Variants in PRKCA observed in about 807,000 individuals in gnomAD.
The protein encoded by PRKCA is protein kinase C alpha type.
A neutral mutation model predicts 87.0 loss-of-function variants in PRKCA; 27 were observed. The observed-to-expected ratio is 0.31, with a 90% CI of 0.23 to 0.43. PRKCA has a LOEUF of 0.43. Among genes scored for constraint, PRKCA ranks in the 20% least tolerant of loss-of-function variants. The pLI is 1.00. For missense variants in PRKCA, 518 were observed against 852.3 expected (o/e 0.61, Z 4.88); for synonymous variants, 329 against 311.1 (o/e 1.06, Z -0.61).
intron 2 of PRKCA, among the ~76,000 whole-genome samples, chr17:66,442,854 T>G (rs1271542046): frequency 1.3e-5 from 2 of 152,252 alleles, no homozygotes; most frequent in Non-Finnish European, 2.9e-5. Flanking sequence ...TCTTTTGAGA[T>G]AACTTCCAGA....
At chr17:66,780,314 A>G (rs1436553214) in intron 14 of PRKCA, among the ~76,000 whole-genome samples, 3 of 152,244 alleles carry the variant, frequency 2.0e-5, no homozygotes, top group Non-Finnish European at 2.9e-5. Context: ...ACTGGCAGCA[A>G]CAAAGAAAAT....
Position 66,451,899 on chromosome 17 carries a change from C to A in PRKCA, c.206-44302C>A, listed in dbSNP as rs115947608. On this transcript the variant is annotated intron_variant, in intron 2 of 16. Coordinates refer to ENST00000413366, the MANE Select transcript of PRKCA (RefSeq NM_002737.3). The stretch of plus-strand genomic sequence containing the variant: ...GACAAAGGCCAGGGGACAGAAATAT[C>A]TTTCTTTTGCTCCTGGCAAATCCCA... Among the ~76,000 whole-genome samples the A allele has an allele frequency of 1.0e-3, 154 of 152,302 alleles. 2 individuals carry two copies. Among genetic ancestry groups the A allele is most frequent in the African/African-American group, 3.4e-3 (142 of 41,582 alleles).
Position 66,491,008 on chromosome 17 carries a change from A to G in PRKCA, c.206-5193A>G, listed in dbSNP as rs987244152. Among the ~76,000 whole-genome samples, 6 of 152,208 alleles carry G rather than the reference A, an allele frequency of 3.9e-5. No homozygotes were observed. In the East Asian group the frequency reaches 1.2e-3, roughly 29 times the overall value. ...CTTCCATAAGCAAGATTAGCAAGGA[A>G]TATGGATCACAAGATTGGGTGTTCT... On this transcript the variant is annotated intron_variant, in intron 2 of 16. Coordinates refer to ENST00000413366, the MANE Select transcript of PRKCA (RefSeq NM_002737.3).
chr17:66,688,439 A>G lies in PRKCA; in HGVS notation c.821+3A>G. 2.5e-6 allele frequency: 4 copies of G among 1,614,122 alleles called. No individual in the cohort carries two copies. Among genetic ancestry groups the G allele is most frequent in the Non-Finnish European group, 3.4e-6 (4 of 1,180,006 alleles). On this transcript the variant is annotated splice_donor_region_variant and intron_variant, in intron 7 of 16. Coordinates refer to ENST00000413366, the MANE Select transcript of PRKCA (RefSeq NM_002737.3). ...ATGAAGATGCCGGCCAGTGGATGGT[A>G]TGGAAGCCGCTTAGGTTGAGTATGT... is the stretch of plus-strand genomic sequence containing the variant.
intron 2 of PRKCA, among the ~76,000 whole-genome samples, chr17:66,493,720 AG>A (rs1324031245): frequency 6.6e-6 from 1 of 152,156 alleles, no homozygotes; most frequent in African/African-American, 2.4e-5. Flanking sequence ...ATGCATGTGA[AG>A]GGACCCAGTA....
chr17:66,633,925 A>G (rs1263170248), intron 3 of PRKCA, among the ~76,000 whole-genome samples: 1 of 152,218 alleles, frequency 6.6e-6, no homozygotes, highest in Non-Finnish European at 1.5e-5. Flanking sequence ...ACTTACCTAG[A>G]ATATGACTTC....
At chr17:66,440,439 C>G (rs1353445604) in intron 2 of PRKCA, among the ~76,000 whole-genome samples, 1 of 152,236 alleles carries the variant, frequency 6.6e-6, no homozygotes, top group East Asian at 1.9e-4. Flanking sequence ...CCATCTCCTG[C>G]TTTCTATTTC....
intron 3 of PRKCA, 101 bp from the exon 4 acceptor site, chr17:66,641,254 C>T: frequency 1.3e-6 from 1 of 749,354 alleles, no homozygotes; most frequent in African/African-American, 1.7e-5. Context: ...GTTATCGAAC[C>T]TTGACTTGGG....
intron 2 of PRKCA, among the ~76,000 whole-genome samples, chr17:66,444,546 A>G (rs536041150): frequency 8.0e-4 from 122 of 152,204 alleles, no homozygotes; most frequent in African/African-American, 2.8e-3. Context: ...CTCCTTCTTT[A>G]TGACCTTCCA....
intron 2 of PRKCA, among the ~76,000 whole-genome samples, chr17:66,330,028 C>T (rs2143274987): frequency 6.6e-6 from 1 of 152,094 alleles, no homozygotes; most frequent in Middle Eastern, 3.4e-3. Flanking sequence ...TGGTCTTACT[C>T]AACCCATTCC....
chr17:66,418,440 C>CTTTTTTT (rs113526885), intron 2 of PRKCA, among the ~76,000 whole-genome samples: 1 of 142,244 alleles, frequency 7.0e-6, no homozygotes. Context: ...TTGTTTTAGC[C>CTTTTTTT]TTTTTTTTTT....
At chr17:66,687,731 G>A (rs1240559122) in intron 6 of PRKCA, among the ~76,000 whole-genome samples, 1 of 152,148 alleles carries the variant, frequency 6.6e-6, no homozygotes, top group Non-Finnish European at 1.5e-5. Flanking sequence ...AGACTTCCTG[G>A]AAAAGGTGAC....
chr17:66,379,163 A>G (rs1909648081), intron 2 of PRKCA, among the ~76,000 whole-genome samples: 1 of 152,182 alleles, frequency 6.6e-6, no homozygotes, highest in African/African-American at 2.4e-5. Context: ...CCTCTCGGGT[A>G]TATACCTAGG....
At chr17:66,628,505 C>G (rs72845959) in intron 3 of PRKCA, among the ~76,000 whole-genome samples, 8 of 151,998 alleles carry the variant, frequency 5.3e-5, no homozygotes, top group African/African-American at 1.9e-4. Context: ...CTTTTTTTCT[C>G]TCTCATCTTT....
intron 3 of PRKCA, among the ~76,000 whole-genome samples, chr17:66,586,708 G>A (rs750694023): frequency 3.3e-5 from 5 of 152,180 alleles, no homozygotes; most frequent in Non-Finnish European, 7.3e-5. Flanking sequence ...TGCTCCCTAG[G>A]TGGCTCAGTG....
intron 2 of PRKCA, among the ~76,000 whole-genome samples, chr17:66,490,495 C>G (rs1916195889): frequency 6.6e-6 from 1 of 152,056 alleles, no homozygotes; most frequent in Non-Finnish European, 1.5e-5. Flanking sequence ...AGGTGCCCAC[C>G]ACCATGCCCG....
At chr17:66,759,844 A>G (rs949278994) in intron 13 of PRKCA, among the ~76,000 whole-genome samples, 3 of 152,252 alleles carry the variant, frequency 2.0e-5, no homozygotes, top group East Asian at 3.8e-4. Context: ...AGGGCATTAC[A>G]TAATGATAAA....
intron 2 of PRKCA, among the ~76,000 whole-genome samples, chr17:66,316,867 G>A (rs1905344066): frequency 6.6e-6 from 1 of 152,086 alleles, no homozygotes; most frequent in Non-Finnish European, 1.5e-5. Context: ...CAGCAGCCGG[G>A]CGTGGTGGCT....
chr17:66,472,840 T>C (rs1915380096), intron 2 of PRKCA, among the ~76,000 whole-genome samples: 1 of 151,190 alleles, frequency 6.6e-6, no homozygotes, highest in East Asian at 1.9e-4. Flanking sequence ...AATCAGTGCC[T>C]TTGAAAGAGA....
Sources: allele counts gnomAD v4.1 joint callset (sites outside exome capture counted in the v4.1 genomes callset), GRCh38; gene constraint gnomAD v4.1.1; transcripts MANE v1.5; gene names NCBI Gene and HGNC (gene_info 2026-07-23, HGNC 2026-07-21).